SKAP1: variants seen among roughly 807,000 people sequenced by gnomAD.
SKAP1 encodes the protein src kinase-associated phosphoprotein 1.
Under a neutral mutation model 58.5 loss-of-function variants are expected in SKAP1, and 44 were observed. The ratio of observed to expected loss-of-function variants is 0.75; its 90% CI spans 0.59 to 0.97. The LOEUF is 0.97. SKAP1 is among the 50% of genes least tolerant of loss of function. The probability of loss-of-function intolerance (pLI) is 0.00; values close to 1 mark genes in which losing one functional copy is unlikely to be tolerated. For synonymous variants in SKAP1, 127 were observed against 149.7 expected, an observed-to-expected ratio of 0.85 and a Z score of 1.11; for missense variants, 390 against 435.2, an observed-to-expected ratio of 0.90 and a Z score of 0.92.
intron 2 of SKAP1, among the ~76,000 whole-genome samples, chr17:48,373,955 A>G (rs2067121011): frequency 6.6e-6 from 1 of 152,198 alleles, no homozygotes; most frequent in African/African-American, 2.4e-5. Flanking sequence ...AACACATCAT[A>G]TACTCTCTGC....
chr17:48,175,434 C>T (rs1313129871), intron 9 of SKAP1, among the ~76,000 whole-genome samples: 7 of 152,154 alleles, frequency 4.6e-5, no homozygotes, highest in Admixed American at 6.5e-5. Context: ...TATAAATCCA[C>T]GGATGTATAG....
intron 2 of SKAP1, among the ~76,000 whole-genome samples, chr17:48,386,733 G>A (rs946412871): frequency 6.6e-6 from 1 of 152,198 alleles, no homozygotes; most frequent in African/African-American, 2.4e-5. Context: ...GATGGGGGCA[G>A]GAGCAGGGAA....
chr17:48,138,472 C>A (rs1007516920), intron 11 of SKAP1, among the ~76,000 whole-genome samples: 1 of 151,548 alleles, frequency 6.6e-6, no homozygotes, highest in East Asian at 1.9e-4. Context: ...CAGGTTCAAG[C>A]GATTCTCCTG....
rs185230770 is a variant in SKAP1, at chr17:48,219,804, T to C, written c.281-30304A>G. On this transcript the variant is annotated intron_variant, in intron 4 of 12. Transcript: ENST00000336915. ...TGGCTGCACACGGTGTCTCCCAGTCTGCTCTGGCTAGAAGCTACAGCAGCC... is the reference window on the plus strand; with the variant it reads ...TGGCTGCACACGGTGTCTCCCAGTCCGCTCTGGCTAGAAGCTACAGCAGCC... 3.7e-4 allele frequency among the ~76,000 whole-genome samples: 56 copies of C among 152,318 alleles called. 1 individual carries two copies. The East Asian group carries it at 0.01, about 28-fold the overall frequency.
At chr17:48,243,569 A>G (rs1053710704) in intron 4 of SKAP1, among the ~76,000 whole-genome samples, 1 of 152,196 alleles carries the variant, frequency 6.6e-6, no homozygotes, top group Non-Finnish European at 1.5e-5. Context: ...AGTGCCAAAG[A>G]ACTTAAAGTC....
chr17:48,239,829 T>A (rs1165758548), intron 4 of SKAP1, among the ~76,000 whole-genome samples: 68 of 138,712 alleles, frequency 4.9e-4, no homozygotes, highest in Admixed American at 8.7e-4. Flanking sequence ...GTAATTAGAA[T>A]GAGAGAGAGA....
intron 6 of SKAP1, chr17:48,185,964 G>A (rs2064445451): frequency 6.6e-6 from 1 of 151,960 alleles, no homozygotes; most frequent in Admixed American, 6.6e-5. Context: ...ATGGCAAAAT[G>A]GTCAATAAAA....
intron 4 of SKAP1, among the ~76,000 whole-genome samples, chr17:48,215,215 C>T (rs1250914492): frequency 6.6e-6 from 1 of 152,108 alleles, no homozygotes; most frequent in Non-Finnish European, 1.5e-5. Flanking sequence ...TGTTTTATTG[C>T]CCTAATGCCC....
chr17:48,379,264 T>C (rs1005558489), intron 2 of SKAP1, among the ~76,000 whole-genome samples: 2 of 152,226 alleles, frequency 1.3e-5, no homozygotes, highest in Admixed American at 1.3e-4. Context: ...ACAATCAATT[T>C]GTTTCCTCAT....
rs187456145 is a variant in SKAP1, at chr17:48,384,304, A to G, written c.152+12376T>C. Among the ~76,000 whole-genome samples the G allele has an allele frequency of 3.2e-3, 492 of 152,316 alleles. 3 individuals carry two copies. Among genetic ancestry groups the G allele is most frequent in the African/African-American group, 0.011 (476 of 41,576 alleles). Reference sequence around the variant, plus strand: ...TTTTGCCTTGGGAGCCCAGGCCTAGAGAAAGCAGAAGTAGACTTCAGGGGT... The same window carrying G: ...TTTTGCCTTGGGAGCCCAGGCCTAGGGAAAGCAGAAGTAGACTTCAGGGGT... On this transcript the variant is annotated intron_variant, in intron 2 of 12. Coordinates refer to ENST00000336915, the MANE Select transcript of SKAP1 (RefSeq NM_003726.4).
chr17:48,150,511 CTGTT>C (rs1397084090), intron 11 of SKAP1, among the ~76,000 whole-genome samples: 2 of 152,150 alleles, frequency 1.3e-5, no homozygotes, highest in Admixed American at 6.5e-5. Flanking sequence ...TATAGATGCT[CTGTT>C]TGTGTAAAGT....
At chr17:48,296,146 G>A (rs1472731934) in intron 4 of SKAP1, among the ~76,000 whole-genome samples, 2 of 152,018 alleles carry the variant, frequency 1.3e-5, no homozygotes, top group Non-Finnish European at 2.9e-5. Flanking sequence ...AACCAGAGAT[G>A]GAGAGCCAGA....
At chr17:48,330,661 C>T (rs563515082) in intron 4 of SKAP1, among the ~76,000 whole-genome samples, 1 of 152,314 alleles carries the variant, frequency 6.6e-6, no homozygotes, top group South Asian at 2.1e-4. Flanking sequence ...TGGCAGTTGG[C>T]ACACCCTAAG....
intron 4 of SKAP1, among the ~76,000 whole-genome samples, chr17:48,240,817 A>C (rs1352080562): frequency 6.6e-6 from 1 of 152,124 alleles, no homozygotes; most frequent in Non-Finnish European, 1.5e-5. Context: ...CACAATCCAG[A>C]TTACCTAGAA....
chr17:48,220,161 G>A (rs1476305820), intron 4 of SKAP1, among the ~76,000 whole-genome samples: 1 of 152,140 alleles, frequency 6.6e-6, no homozygotes. Context: ...AGCGGAATAC[G>A]CACATACCCT....
chr17:48,422,121 G>A (rs2067801730), intron 1 of SKAP1, among the ~76,000 whole-genome samples: 1 of 152,146 alleles, frequency 6.6e-6, no homozygotes, highest in Non-Finnish European at 1.5e-5. Flanking sequence ...TGAGGCAGGA[G>A]AATCGCTCGA....
chr17:48,391,959 G>A (rs1474622022), intron 2 of SKAP1, among the ~76,000 whole-genome samples: 1 of 151,968 alleles, frequency 6.6e-6, no homozygotes, highest in East Asian at 1.9e-4. Context: ...AATGTGTTTT[G>A]TTTTGGGGAT....
intron 4 of SKAP1, among the ~76,000 whole-genome samples, chr17:48,267,338 C>A (rs921268558): frequency 1.3e-4 from 20 of 152,198 alleles, no homozygotes; most frequent in African/African-American, 4.3e-4. Context: ...TTCTCACAAT[C>A]AAAAAATAAT....
intron 4 of SKAP1, among the ~76,000 whole-genome samples, chr17:48,320,175 C>T (rs1190705677): frequency 2.0e-5 from 3 of 152,110 alleles, no homozygotes; most frequent in African/African-American, 7.2e-5. Context: ...AACAGTCTCT[C>T]ATGAACCACA....
Sources: gnomAD v4.1 joint callset for allele counts (sites outside exome capture counted in the v4.1 genomes callset) on GRCh38, gnomAD v4.1.1 for gene constraint, MANE v1.5 for transcripts, NCBI Gene and HGNC (gene_info 2026-07-23, HGNC 2026-07-21) for gene names.